VAV3: variants seen among roughly 807,000 people sequenced by gnomAD.
The protein encoded by VAV3 is vav guanine nucleotide exchange factor 3, also known as guanine nucleotide exchange factor VAV3.
Under a neutral mutation model 131.2 loss-of-function variants are expected in VAV3, and 94 were observed. The observed-to-expected ratio is 0.72, with a 90% CI of 0.61 to 0.85. The LOEUF (loss-of-function observed/expected upper bound fraction) is 0.85. Among genes scored for constraint, VAV3 ranks in the 40% least tolerant of loss-of-function variants. VAV3 has a pLI of 0.00. For missense variants in VAV3, 939 were observed against 1,002.7 expected (o/e 0.94, Z 0.86); for synonymous variants, 349 against 342.0 (o/e 1.02, Z -0.22).
Position 107,753,515 on chromosome 1 carries a change from T to TATATATACACACAC in VAV3, c.1173+1911_1173+1912insGTGTGTGTATATAT, listed in dbSNP as rs1296308635. Among the ~76,000 whole-genome samples the TATATATACACACAC allele has an allele frequency of 4.5e-4, 19 of 42,460 alleles. 1 individual carries two copies. The East Asian group carries it at 5.1e-3, about 11-fold the overall frequency. 27.9% of individuals were successfully genotyped at this position (42,460 alleles called of 152,430 possible). On this transcript the variant is annotated intron_variant, in intron 12 of 26. Coordinates refer to ENST00000370056, the MANE Select transcript of VAV3 (RefSeq NM_006113.5). ...ATATACACACATATATATACACACA[T>TATATATACACACAC]ATATATATATACGTATATATATATA...
At chr1:107,931,861 C>A (rs962884445) in intron 1 of VAV3, among the ~76,000 whole-genome samples, 1 of 152,222 alleles carries the variant, frequency 6.6e-6, no homozygotes, top group Admixed American at 6.5e-5. Flanking sequence ...TAATTCAATA[C>A]CTCACCATTT....
intron 1 of VAV3, among the ~76,000 whole-genome samples, chr1:107,907,568 G>A (rs927977890): frequency 6.6e-6 from 1 of 152,160 alleles, no homozygotes; most frequent in African/African-American, 2.4e-5. Flanking sequence ...TTCATGGATG[G>A]ATTAAAGCTG....
chr1:107,804,500 C>T (rs1229224727), intron 2 of VAV3, among the ~76,000 whole-genome samples: 1 of 148,720 alleles, frequency 6.7e-6, no homozygotes, highest in South Asian at 2.2e-4. Flanking sequence ...TCACAGATCA[C>T]CCCAAAAAAG....
chr1:107,639,994 A>C (rs1299059225), intron 20 of VAV3, among the ~76,000 whole-genome samples: 3 of 152,124 alleles, frequency 2.0e-5, no homozygotes, highest in African/African-American at 7.2e-5. Context: ...GAGGCACCTA[A>C]AACTCACAAA....
At chr1:107,720,242 G>A (rs958277968) in intron 15 of VAV3, among the ~76,000 whole-genome samples, 3 of 151,778 alleles carry the variant, frequency 2.0e-5, no homozygotes, top group Admixed American at 6.6e-5. Context: ...AATTAGCCAC[G>A]TATGGTGGCA....
chr1:107,878,636 T>C (rs775940488), intron 1 of VAV3, among the ~76,000 whole-genome samples: 4 of 152,198 alleles, frequency 2.6e-5, no homozygotes, highest in Admixed American at 6.5e-5. Flanking sequence ...AAGTACTTCA[T>C]ACTGTGAACT....
chr1:107,645,943 A>G (rs908660955), intron 19 of VAV3, among the ~76,000 whole-genome samples: 2 of 152,042 alleles, frequency 1.3e-5, no homozygotes, highest in African/African-American at 4.8e-5. Context: ...AGAGTTTATT[A>G]ATAAGGTCTT....
chr1:107,696,274 A>C (rs1419632145), intron 17 of VAV3, among the ~76,000 whole-genome samples: 2 of 152,220 alleles, frequency 1.3e-5, no homozygotes, highest in Non-Finnish European at 2.9e-5. Flanking sequence ...CTATCACCTC[A>C]AACATTTATC....
chr1:107,804,556 C>T (rs1666973040), intron 2 of VAV3, among the ~76,000 whole-genome samples: 1 of 152,164 alleles, frequency 6.6e-6, no homozygotes, highest in Admixed American at 6.6e-5. Context: ...ATTCTCTCCA[C>T]ATTTTTGTTT....
chr1:107,850,569 C>T (rs35634996), intron 2 of VAV3, among the ~76,000 whole-genome samples: 7,110 of 130,878 alleles, frequency 0.054, 243 homozygotes, highest in Middle Eastern at 0.078. Flanking sequence ...CAGGGCCTGT[C>T]GAGGGGTGGG....
At chr1:107,664,478 A>T (rs1488199039) in intron 19 of VAV3, among the ~76,000 whole-genome samples, 3 of 152,150 alleles carry the variant, frequency 2.0e-5, no homozygotes, top group African/African-American at 4.8e-5. Flanking sequence ...TTAATTTTCA[A>T]AGTATAAGAA....
chr1:107,758,952 T>A (rs952147767), intron 10 of VAV3, among the ~76,000 whole-genome samples: 2 of 152,180 alleles, frequency 1.3e-5, no homozygotes, highest in Admixed American at 6.5e-5. Context: ...GACCCCTTAC[T>A]CTTCCTTTAA....
chr1:107,642,904 T>C, intron 19 of VAV3, 149 bp from the exon 20 acceptor site: 1 of 1,121,566 alleles, frequency 8.9e-7, no homozygotes, highest in Non-Finnish European at 1.2e-6. Context: ...AATAGAATGA[T>C]TTTCAACTTT....
intron 21 of VAV3, among the ~76,000 whole-genome samples, chr1:107,617,334 C>T (rs893187327): frequency 2.0e-5 from 3 of 152,066 alleles, no homozygotes; most frequent in African/African-American, 7.2e-5. Flanking sequence ...TTTTAGACTA[C>T]TTAGTTATAT....
Position 107,921,770 on chromosome 1 carries a change from T to C in VAV3, c.204+42896A>G, listed in dbSNP as rs192193057. Among the ~76,000 whole-genome samples, 3 of 152,366 alleles carry C rather than the reference T, an allele frequency of 2.0e-5. No individual in the cohort carries two copies. The East Asian group carries it at 5.8e-4, about 29-fold the overall frequency. On this transcript the variant is annotated intron_variant, in intron 1 of 26. Transcript: ENST00000370056. ...TTAGTTCTAAAGTGAAATTATCTAC[T>C]GTAACATTCTAAGAAAATTTGCAAA...
chr1:107,939,713 T>C (rs1462360107), intron 1 of VAV3, among the ~76,000 whole-genome samples: 1 of 152,148 alleles, frequency 6.6e-6, no homozygotes, highest in Non-Finnish European at 1.5e-5. Flanking sequence ...AGTAGAAGTT[T>C]AGACAAAATC....
At chr1:107,782,971 A>T (rs1425427511) in intron 2 of VAV3, among the ~76,000 whole-genome samples, 1 of 152,240 alleles carries the variant, frequency 6.6e-6, no homozygotes, top group Non-Finnish European at 1.5e-5. Flanking sequence ...AGAAACAGAC[A>T]TAGCTAGTAA....
At chr1:107,842,158 T>C (rs532300054) in intron 2 of VAV3, among the ~76,000 whole-genome samples, 87 of 152,330 alleles carry the variant, frequency 5.7e-4, no homozygotes, top group Non-Finnish European at 1.1e-3. Context: ...ATACTTATAT[T>C]GTCTACCTAG....
chr1:107,782,636 T>C (rs1291618526), intron 2 of VAV3, among the ~76,000 whole-genome samples: 1 of 152,244 alleles, frequency 6.6e-6, no homozygotes, highest in Non-Finnish European at 1.5e-5. Context: ...TTTGTGTCTA[T>C]GCTATTGTAC....
Sources: allele counts gnomAD v4.1 joint callset (sites outside exome capture counted in the v4.1 genomes callset), GRCh38; gene constraint gnomAD v4.1.1; transcripts MANE v1.5; gene names NCBI Gene and HGNC (gene_info 2026-07-23, HGNC 2026-07-21).